KDM4B: variants seen among roughly 807,000 people sequenced by gnomAD.
The protein encoded by KDM4B is lysine-specific demethylase 4B.
In KDM4B, 32 loss-of-function variants were observed where a neutral mutation model predicts 125.2. The observed-to-expected ratio is 0.26, with a 90% CI of 0.19 to 0.34. KDM4B has a LOEUF of 0.34. Ranked by LOEUF, KDM4B falls within the 10% of genes least tolerant of loss-of-function variation. The pLI, the probability that KDM4B is intolerant of heterozygous loss-of-function variation, is 1.00. For synonymous variants in KDM4B, 721 were observed against 677.9 expected (o/e 1.06, Z -0.99); for missense variants, 1,190 against 1,577.7 (o/e 0.75, Z 4.16).
chr19:5,016,520 T>G (rs2035897041), intron 2 of KDM4B, among the ~76,000 whole-genome samples, 181 bp downstream of exon 2: 1 of 152,240 alleles, frequency 6.6e-6, no homozygotes, highest in East Asian at 1.9e-4. Flanking sequence ...AGGGAGGTTC[T>G]TCTGCAAGTT....
intron 9 of KDM4B, among the ~76,000 whole-genome samples, chr19:5,089,738 CAG>C (rs1342460217): frequency 1.3e-5 from 2 of 150,894 alleles, no homozygotes; most frequent in African/African-American, 4.9e-5. Flanking sequence ...TTTCCATAGT[CAG>C]AGGGGTGTAG....
chr19:5,059,412 G>A lies in KDM4B; in HGVS notation c.627-11598G>A, dbSNP rs1380045623. Among the ~76,000 whole-genome samples the A allele has an allele frequency of 3.9e-5, 6 of 152,166 alleles. No individual in the cohort carries two copies. The East Asian group carries it at 9.6e-4, about 24-fold the overall frequency. ...CAGCCTCCCGCCGAGGGCTCGGGCC[G>A]CTTGTTCTCCCTGACCTGATTGCGA... is the stretch of plus-strand genomic sequence containing the variant. On this transcript the variant is annotated intron_variant, in intron 6 of 22. Transcript: ENST00000159111.
chr19:4,983,122 T>G (rs1358659585), intron 1 of KDM4B, among the ~76,000 whole-genome samples: 1 of 151,560 alleles, frequency 6.6e-6, no homozygotes, highest in Non-Finnish European at 1.5e-5. Flanking sequence ...TGTTTCACAC[T>G]GCTTTTTCTT....
At chr19:5,044,055 GTGTCCACCT>G (rs2036940574) in intron 5 of KDM4B, among the ~76,000 whole-genome samples, 1 of 75,946 alleles carries the variant, frequency 1.3e-5, no homozygotes, top group Non-Finnish European at 2.7e-5. Context: ...CGGAGTGGGG[GTGTCCACCT>G]TATCCCGCGT....
chr19:5,107,038 C>T (rs17179055), intron 9 of KDM4B, among the ~76,000 whole-genome samples: 9,789 of 152,268 alleles, frequency 0.064, 359 homozygotes, highest in Admixed American at 0.11. Context: ...TCATGCTCCG[C>T]GTTCCTCACC....
intron 6 of KDM4B, among the ~76,000 whole-genome samples, chr19:5,058,484 A>G (rs2037478937): frequency 6.6e-6 from 1 of 152,158 alleles, no homozygotes; most frequent in East Asian, 1.9e-4. Flanking sequence ...GGGGGCATAG[A>G]AGCTTCCTAA....
chr19:5,039,491 T>C (rs543787837), intron 3 of KDM4B, among the ~76,000 whole-genome samples: 59 of 152,288 alleles, frequency 3.9e-4, no homozygotes, highest in African/African-American at 1.3e-3. Flanking sequence ...TACGAGTCTC[T>C]GAGCCTCAAG....
rs1298437510 is a variant in KDM4B, at chr19:5,134,043, C to T, written c.2067C>T (p.Leu689=). 6.3e-7 allele frequency: 1 copy of T among 1,592,980 alleles called. No homozygotes were observed. Among genetic ancestry groups the T allele is most frequent in the African/African-American group, 1.3e-5 (1 of 74,620 alleles). The stretch of plus-strand genomic sequence containing the variant: ...AGCCCTACTGCGCCATCTGCACGCT[C>T]TTCTACCCCTACTGCCAGGTGGGCA... ...RTEPYCAICT[L]FYPYCQALQT... The change falls in exon 14 of 23, where the codon CTC becomes CTT. Residue 689 remains leucine, a synonymous_variant. Transcript: ENST00000159111.
chr19:5,040,293 C>T (rs1568248760), intron 4 of KDM4B, among the ~76,000 whole-genome samples: 1 of 152,186 alleles, frequency 6.6e-6, no homozygotes, highest in African/African-American at 2.4e-5. Context: ...TCCTCCACAC[C>T]CTCCTGTGAC....
intron 6 of KDM4B, among the ~76,000 whole-genome samples, chr19:5,056,408 T>TC (rs2037397604): frequency 6.7e-6 from 1 of 149,390 alleles, no homozygotes; most frequent in Non-Finnish European, 1.5e-5. Context: ...TTTCTTTCTT[T>TC]TTTTTTTTTT....
At chr19:5,005,311 C>T (rs778227557) in intron 1 of KDM4B, among the ~76,000 whole-genome samples, 6 of 152,172 alleles carry the variant, frequency 3.9e-5, no homozygotes, top group Admixed American at 1.3e-4. Context: ...GTTACCAAAC[C>T]GTCCTTCCCA....
At chr19:5,087,020 G>A (rs748728790) in intron 9 of KDM4B, among the ~76,000 whole-genome samples, 1 of 152,262 alleles carries the variant, frequency 6.6e-6, no homozygotes, top group African/African-American at 2.4e-5. Context: ...GGCCCTGCGC[G>A]CACACACAGG....
At chr19:5,104,861 G>A (rs2039005057) in intron 9 of KDM4B, among the ~76,000 whole-genome samples, 1 of 152,146 alleles carries the variant, frequency 6.6e-6, no homozygotes, top group Non-Finnish European at 1.5e-5. Flanking sequence ...TCCCAAAGTT[G>A]TCATTTCAGG....
intron 9 of KDM4B, among the ~76,000 whole-genome samples, chr19:5,083,568 T>G (rs905800872): frequency 1.3e-5 from 2 of 152,178 alleles, no homozygotes; most frequent in Non-Finnish European, 2.9e-5. Flanking sequence ...TGCCCCCAAG[T>G]AGGACTGAGC....
chr19:5,014,355 C>T (rs1246069980), intron 1 of KDM4B, among the ~76,000 whole-genome samples: 2 of 152,186 alleles, frequency 1.3e-5, no homozygotes, highest in East Asian at 1.9e-4. Flanking sequence ...CGGCTCGCTG[C>T]AAGCTCCACC....
rs2039959222 is a variant in KDM4B, at chr19:5,152,121, A to C, written c.*610A>C. 1 of 150,982 alleles carries C rather than the reference A, an allele frequency of 6.6e-6. No individual in the cohort carries two copies. Among genetic ancestry groups the C allele is most frequent in the Admixed American group, 6.6e-5 (1 of 15,172 alleles). 9.4% of individuals were successfully genotyped at this position (150,982 alleles called of 1,614,324 possible). ...GGAGGGTGAGCCTCGGGGGGGGGGC[A>C]GGACGCCCCGGTTTCGGCACAGCCC... On this transcript the variant is annotated 3_prime_UTR_variant, in exon 23 of 23. Transcript: ENST00000159111.
At chr19:5,047,697 G>A (rs777451776) in intron 6 of KDM4B, 28 bp downstream of exon 6, 30 of 1,605,116 alleles carry the variant, frequency 1.9e-5, no homozygotes, top group Middle Eastern at 1.7e-4. Context: ...CCCTGCCGCC[G>A]GCCGGACCGA....
chr19:5,065,852 C>T (rs534118307), intron 6 of KDM4B, among the ~76,000 whole-genome samples: 17 of 152,320 alleles, frequency 1.1e-4, no homozygotes, highest in African/African-American at 2.6e-4. Context: ...GGGAATGGCG[C>T]GAGCAGAAGA....
chr19:5,109,957 A>T (rs974029030), intron 9 of KDM4B, among the ~76,000 whole-genome samples: 4 of 152,192 alleles, frequency 2.6e-5, no homozygotes, highest in African/African-American at 9.6e-5. Context: ...GACGGGAGGG[A>T]GATTTTTGCC....
Sources: gnomAD v4.1 joint callset for allele counts (sites outside exome capture counted in the v4.1 genomes callset) on GRCh38, gnomAD v4.1.1 for gene constraint, MANE v1.5 for transcripts, NCBI Gene and HGNC (gene_info 2026-07-23, HGNC 2026-07-21) for gene names.